CDH17: variants seen among roughly 807,000 people sequenced by gnomAD.
CDH17 encodes the protein cadherin-17.
In CDH17, 67 loss-of-function variants were observed where a neutral mutation model predicts 86.3. That is an observed-to-expected ratio of 0.78 (90% CI 0.64 to 0.95). CDH17 has a LOEUF of 0.95. Ranked by LOEUF, CDH17 falls within the 40% of genes least tolerant of loss-of-function variation. The pLI, the probability that CDH17 is intolerant of heterozygous loss-of-function variation, is 0.00. For synonymous variants in CDH17, 367 were observed against 366.4 expected (o/e 1.00, Z -0.02); for missense variants, 993 against 1,017.6 (o/e 0.98, Z 0.33).
intron 1 of CDH17, among the ~76,000 whole-genome samples, chr8:94,195,741 C>G (rs976974503): frequency 6.7e-6 from 1 of 149,502 alleles, no homozygotes. Flanking sequence ...CTGCCCCTCC[C>G]CAAAAGACAG....
intron 12 of CDH17, among the ~76,000 whole-genome samples, chr8:94,158,358 C>T (rs540242485): frequency 2.1e-4 from 32 of 152,124 alleles, no homozygotes; most frequent in African/African-American, 7.5e-4. Context: ...CAGCTCTCAC[C>T]CACAGCTAAT....
Position 94,179,684 on chromosome 8 carries a change from A to T in CDH17, c.151-1963T>A, listed in dbSNP as rs372242935. Among the ~76,000 whole-genome samples, 14 of 152,214 alleles carry T rather than the reference A, an allele frequency of 9.2e-5. No individual in the cohort carries two copies. The East Asian group carries it at 1.2e-3, about 13-fold the overall frequency. ...AGTGCCCCTTGGTAAACACCAGGAG[A>T]CTTACTGGCTTAAGGCATTTAAGGA... is the stretch of plus-strand genomic sequence containing the variant. On this transcript the variant is annotated intron_variant, in intron 3 of 17. Transcript: ENST00000027335.
intron 5 of CDH17, 124 bp from the exon 6 acceptor site, chr8:94,174,384 C>T: frequency 1.1e-6 from 1 of 907,458 alleles, no homozygotes; most frequent in Non-Finnish European, 1.6e-6. Flanking sequence ...ACAATTCACA[C>T]CAGTGGGGAA....
chr8:94,179,198 C>T (rs1394768909), intron 3 of CDH17, among the ~76,000 whole-genome samples: 2 of 152,148 alleles, frequency 1.3e-5, no homozygotes, highest in African/African-American at 4.8e-5. Flanking sequence ...CCAAAAGCTC[C>T]ATCACCAGAG....
chr8:94,191,228 T>C (rs1813682474), intron 2 of CDH17, among the ~76,000 whole-genome samples: 1 of 152,128 alleles, frequency 6.6e-6, no homozygotes, highest in Non-Finnish European at 1.5e-5. Context: ...ACCTTGTGTC[T>C]GCAGTTGGGG....
chr8:94,146,580 T>C (rs1812749567), intron 14 of CDH17, among the ~76,000 whole-genome samples: 1 of 152,202 alleles, frequency 6.6e-6, no homozygotes, highest in African/African-American at 2.4e-5. Flanking sequence ...CACATATGAG[T>C]GAATGTTCTG....
At chr8:94,185,157 C>A (rs1412213303) in intron 3 of CDH17, among the ~76,000 whole-genome samples, 2 of 152,056 alleles carry the variant, frequency 1.3e-5, no homozygotes, top group African/African-American at 4.8e-5. Context: ...TTAAAACAAG[C>A]GGTTGTACCA....
chr8:94,206,839 C>T (rs1201130142), intron 1 of CDH17, among the ~76,000 whole-genome samples: 1 of 151,850 alleles, frequency 6.6e-6, no homozygotes, highest in Non-Finnish European at 1.5e-5. Flanking sequence ...TCTGGATCTC[C>T]CTATGTTCAG....
intron 3 of CDH17, among the ~76,000 whole-genome samples, chr8:94,181,091 C>A (rs1239778692): frequency 6.6e-6 from 1 of 151,738 alleles, no homozygotes; most frequent in South Asian, 2.1e-4. Flanking sequence ...TTTTCAGAGA[C>A]AAAATGGGAT....
chr8:94,160,421 T>C (rs1813030230), intron 11 of CDH17, among the ~76,000 whole-genome samples: 1 of 152,212 alleles, frequency 6.6e-6, no homozygotes, highest in South Asian at 2.1e-4. Context: ...CCCCCTCCCA[T>C]ATCCAATTTG....
intron 15 of CDH17, among the ~76,000 whole-genome samples, chr8:94,136,585 T>G (rs1198084804): frequency 6.6e-6 from 1 of 152,186 alleles, no homozygotes; most frequent in African/African-American, 2.4e-5. Context: ...TGGGTTCAAA[T>G]GTGCTCCTTT....
At chr8:94,170,101 T>C (rs1454491642) in intron 9 of CDH17, among the ~76,000 whole-genome samples, 3 of 152,192 alleles carry the variant, frequency 2.0e-5, no homozygotes, top group African/African-American at 4.8e-5. Flanking sequence ...TATATACATG[T>C]ATATAAGATA....
intron 2 of CDH17, among the ~76,000 whole-genome samples, chr8:94,193,642 T>C (rs1452904900): frequency 6.6e-6 from 1 of 152,102 alleles, no homozygotes; most frequent in African/African-American, 2.4e-5. Context: ...CAAAGGGCAT[T>C]TGAGGGGGTA....
chr8:94,207,574 T>G, intron 1 of CDH17, among the ~76,000 whole-genome samples: 1 of 152,356 alleles, frequency 6.6e-6, no homozygotes, highest in Non-Finnish European at 1.5e-5. Context: ...TGAATAGCAT[T>G]CATCTTCCTT....
At chr8:94,184,685 A>T (rs1021113869) in intron 3 of CDH17, among the ~76,000 whole-genome samples, 2 of 152,110 alleles carry the variant, frequency 1.3e-5, no homozygotes, top group African/African-American at 2.4e-5. Flanking sequence ...GATACTAAAA[A>T]CTACTGAATT....
chr8:94,155,676 G>A (rs1291244954), intron 12 of CDH17, among the ~76,000 whole-genome samples: 3 of 152,160 alleles, frequency 2.0e-5, no homozygotes, highest in Non-Finnish European at 4.4e-5. Context: ...ACTGTACGGC[G>A]AGCTGAGGAG....
intron 2 of CDH17, among the ~76,000 whole-genome samples, chr8:94,189,677 T>C (rs1299071371): frequency 6.6e-6 from 1 of 152,186 alleles, no homozygotes; most frequent in African/African-American, 2.4e-5. Flanking sequence ...TCCAGCTTCA[T>C]AAAACACCTC....
At chr8:94,147,411 C>G (rs115140709) in intron 14 of CDH17, among the ~76,000 whole-genome samples, 1,560 of 152,292 alleles carry the variant, frequency 0.01, 22 homozygotes, top group African/African-American at 0.033. Context: ...TTTCCACATG[C>G]AGGGGCCGTT....
intron 2 of CDH17, among the ~76,000 whole-genome samples, 195 bp from the exon 3 acceptor site, chr8:94,189,480 GC>G (rs965489911): frequency 6.6e-6 from 1 of 152,142 alleles, no homozygotes; most frequent in African/African-American, 2.4e-5. Flanking sequence ...CCTTTCCATT[GC>G]TTTTCTTAAA....
Sources: allele counts gnomAD v4.1 joint callset (sites outside exome capture counted in the v4.1 genomes callset), GRCh38; gene constraint gnomAD v4.1.1; transcripts MANE v1.5; gene names NCBI Gene and HGNC (gene_info 2026-07-23, HGNC 2026-07-21).